Variants in DNTTIP1 observed in about 807,000 individuals in gnomAD.
The protein encoded by DNTTIP1 is deoxynucleotidyltransferase terminal interacting protein 1, also known as deoxynucleotidyltransferase terminal-interacting protein 1.
DNTTIP1 carries 22 observed loss-of-function variants against 52.9 expected under a neutral mutation model. That is an observed-to-expected ratio of 0.42 (90% CI 0.30 to 0.59). The LOEUF (loss-of-function observed/expected upper bound fraction) is 0.59, where lower values mean the gene tolerates loss of function less well. Ranked by LOEUF, DNTTIP1 falls within the 20% of genes least tolerant of loss-of-function variation. The probability of loss-of-function intolerance (pLI) is 0.22; values close to 1 mark genes in which losing one functional copy is unlikely to be tolerated. For synonymous variants in DNTTIP1, 136 were observed against 155.1 expected (o/e 0.88, Z 0.92); for missense variants, 286 against 435.5 (o/e 0.66, Z 3.06).
At chr20:45,800,716 TA>T (rs1981430884) in intron 4 of DNTTIP1, among the ~76,000 whole-genome samples, 1 of 4,598 alleles carries the variant, frequency 2.2e-4, no homozygotes, top group African/African-American at 5.5e-4. Flanking sequence ...TATATATATA[TA>T]TATATATATA....
intron 4 of DNTTIP1, 89 bp from the exon 5 acceptor site, chr20:45,800,985 C>A: frequency 9.0e-7 from 1 of 1,114,554 alleles, no homozygotes; most frequent in Admixed American, 1.8e-5. Flanking sequence ...CAGAGCAAGA[C>A]TCTGTCTCCA....
At chr20:45,794,493 G>A (rs1346304487) in intron 3 of DNTTIP1, among the ~76,000 whole-genome samples, 2 of 151,956 alleles carry the variant, frequency 1.3e-5, no homozygotes, top group Non-Finnish European at 2.9e-5. Flanking sequence ...CCTCCTTGAG[G>A]GTAATTCAGA....
chr20:45,800,697 ATATATATATATATATATAT>A lies in DNTTIP1; in HGVS notation c.373-376_373-358del, dbSNP rs1981426780. The stretch of plus-strand genomic sequence containing the variant: ...CTCAATTTAAAAAAAAAAAAAAAAT[ATATATATATATATATATAT>A]ATATATATATATATATATATATATA... On this transcript the variant is annotated intron_variant, in intron 4 of 12. Transcript: ENST00000372622. 5.1e-3 allele frequency among the ~76,000 whole-genome samples: 30 copies of A among 5,842 alleles called. 2 individuals carry two copies. The highest frequency in any genetic ancestry group is 8.4e-3 in the African/African-American group (22 of 2,622). The allele number at this position is 5,842 out of a possible 152,430, so 3.8% of individuals were successfully genotyped here.
chr20:45,809,076 A>C lies in DNTTIP1; in HGVS notation c.724-38A>C, dbSNP rs965046678. ...TGGGACCAAATGAGAAAAGCCCCTTACCCGAGGCTAATTTTCTTACAACTT... is the reference window on the plus strand; with the variant it reads ...TGGGACCAAATGAGAAAAGCCCCTTCCCCGAGGCTAATTTTCTTACAACTT... On this transcript the variant is annotated intron_variant, in intron 10 of 12. Coordinates refer to ENST00000372622, the MANE Select transcript of DNTTIP1 (RefSeq NM_052951.3). The surrounding 1 kb of genome is among the most constrained non-coding windows in gnomAD (Gnocchi z 4.2). The C allele has an allele frequency of 1.3e-6, 2 of 1,580,418 alleles. No homozygotes were observed. Among genetic ancestry groups the C allele is most frequent in the Admixed American group, 1.7e-5 (1 of 59,938 alleles).
At chr20:45,795,713 C>T (rs892498104) in intron 4 of DNTTIP1, among the ~76,000 whole-genome samples, 6 of 152,158 alleles carry the variant, frequency 3.9e-5, no homozygotes, top group African/African-American at 9.7e-5. Flanking sequence ...GCACGAGAAT[C>T]GCTTGAACCT....
At chr20:45,802,429 T>C (rs1981505220) in intron 7 of DNTTIP1, among the ~76,000 whole-genome samples, 1 of 152,246 alleles carries the variant, frequency 6.6e-6, no homozygotes, top group African/African-American at 2.4e-5. Context: ...ACTTGCCTAA[T>C]GTCATATCGT....
chr20:45,796,659 C>T (rs1335701069), intron 4 of DNTTIP1: 3 of 431,284 alleles, frequency 7.0e-6, no homozygotes, highest in Non-Finnish European at 1.4e-5. Context: ...TATAGGGAGA[C>T]ATCAGGAAAG....
chr20:45,792,853 G>T (rs1262763480), intron 2 of DNTTIP1, 106 bp downstream of exon 2: 4 of 975,514 alleles, frequency 4.1e-6, no homozygotes, highest in Non-Finnish European at 5.9e-6. Context: ...GGTAGAAAGA[G>T]CACAGGACTG....
At chr20:45,796,641 C>A (rs957738861) in intron 4 of DNTTIP1, 2 of 451,564 alleles carry the variant, frequency 4.4e-6, no homozygotes, top group African/African-American at 2.0e-5. Context: ...TTGTTGCCAT[C>A]ACCATTTTAT....
At chr20:45,792,644 C>T in intron 1 of DNTTIP1, 33 bp from the exon 2 acceptor site, 1 of 1,540,118 alleles carries the variant, frequency 6.5e-7, no homozygotes. Flanking sequence ...GTGTCACAGG[C>T]CGCAGTGACA....
intron 10 of DNTTIP1, among the ~76,000 whole-genome samples, chr20:45,807,841 A>C (rs1981698966): frequency 1.3e-5 from 2 of 151,712 alleles, no homozygotes; most frequent in Admixed American, 6.6e-5. Context: ...TAGCTACTCT[A>C]CTCGGGAGGC....
chr20:45,800,687 AAAAAAAAATATATATATATATATAT>A (rs1981403362), intron 4 of DNTTIP1, among the ~76,000 whole-genome samples: 1 of 59,834 alleles, frequency 1.7e-5, no homozygotes, highest in African/African-American at 8.8e-5. Flanking sequence ...TTTAAAAAAA[AAAAAAAAATATATATATATATATAT>A]ATATATATAT....
Position 45,801,474 on chromosome 20 carries a change from G to C in DNTTIP1, c.498+16G>C. The C allele has an allele frequency of 6.2e-7, 1 of 1,613,932 alleles. No homozygotes were observed. The highest frequency in any genetic ancestry group is 8.5e-7 in the Non-Finnish European group (1 of 1,179,932). On this transcript the variant is annotated intron_variant, in intron 6 of 12. Coordinates refer to ENST00000372622, the MANE Select transcript of DNTTIP1 (RefSeq NM_052951.3). ...TCCTAAAAAGGTAAACCATTTCCTT[G>C]TTTTGTTTTCTGGCTGAAAAAAGGC...
chr20:45,802,101 C>A, intron 7 of DNTTIP1, 44 bp downstream of exon 7: 1 of 1,599,758 alleles, frequency 6.3e-7, no homozygotes, highest in South Asian at 1.1e-5. Flanking sequence ...GGGGAGCAGA[C>A]GGAGAGAGGG....
At position 45,808,751 on chromosome 20, in the gene DNTTIP1, C is replaced by T. The variant is rs111276943; in HGVS notation, c.724-363C>T. On this transcript the variant is annotated intron_variant, in intron 10 of 12. Transcript: ENST00000372622. ...GCGTCCGAGAGTACATGAGGTGTCC[C>T]GATTTTTGTTTTATTATGGTCACCA... Among the ~76,000 whole-genome samples, 465 of 152,226 alleles carry T rather than the reference C, an allele frequency of 3.1e-3. 4 individuals carry two copies. The highest frequency in any genetic ancestry group is 0.011 in the African/African-American group (450 of 41,518).
chr20:45,807,140 T>C (rs974608023), intron 10 of DNTTIP1, among the ~76,000 whole-genome samples: 15 of 152,216 alleles, frequency 9.9e-5, no homozygotes, highest in African/African-American at 3.4e-4. Context: ...TTTTTTTTTC[T>C]GAGACGGAGT....
Position 45,811,202 on chromosome 20 carries a change from G to C in DNTTIP1, c.*7G>C. 2 of 1,598,884 alleles carry C rather than the reference G, an allele frequency of 1.3e-6. No homozygotes were observed. The highest frequency in any genetic ancestry group is 1.7e-6 in the Non-Finnish European group (2 of 1,173,216). The stretch of plus-strand genomic sequence containing the variant: ...AGCACCTCCACAGACCTGAGGCCGG[G>C]TCCCCTGGCCACACTTGGCAGCCCT... On this transcript the variant is annotated 3_prime_UTR_variant, in exon 13 of 13. Transcript: ENST00000372622.
chr20:45,801,436 G>A lies in DNTTIP1; in HGVS notation c.476G>A (p.Arg159Gln), dbSNP rs145739306. 1.4e-4 allele frequency: 234 copies of A among 1,613,988 alleles called. No individual in the cohort carries two copies. Among genetic ancestry groups the A allele is most frequent in the South Asian group, 5.3e-4 (48 of 91,088 alleles). The part of the protein sequence containing the change: ...GRQAEEECAH[R>Q]GSPLPKKRKG... ...CAGGCAGAAGAAGAATGTGCCCATC[G>A]AGGAAGCCCCCTTCCTAAAAAGGTA... The change falls in exon 6 of 13, where the codon CGA becomes CAA. Residue 159 changes from arginine to glutamine, a missense_variant. Physicochemically the swap from Arg to Gln is conservative, Grantham distance 43 (BLOSUM62 1). Transcript: ENST00000372622.
At chr20:45,794,728 C>A (rs1178510095) in intron 3 of DNTTIP1, among the ~76,000 whole-genome samples, 1 of 149,812 alleles carries the variant, frequency 6.7e-6, no homozygotes, top group African/African-American at 2.4e-5. Flanking sequence ...GAGGCAGGAT[C>A]ACTTGAGGCC....
Sources: gnomAD v4.1 joint callset for allele counts (sites outside exome capture counted in the v4.1 genomes callset) on GRCh38, gnomAD v4.1.1 for gene constraint, Gnocchi (gnomAD v3.1) non-coding constraint, MANE v1.5 for transcripts, NCBI Gene and HGNC (gene_info 2026-07-23, HGNC 2026-07-21) for gene names.